ASIC2: variants seen among roughly 807,000 people sequenced by gnomAD.
ASIC2 encodes the protein acid-sensing ion channel 2.
A neutral mutation model predicts 57.3 loss-of-function variants in ASIC2; 25 were observed. That is an observed-to-expected ratio of 0.44 (90% CI 0.32 to 0.61). The LOEUF is 0.61. Ranked by LOEUF, ASIC2 falls within the 20% of genes least tolerant of loss-of-function variation. ASIC2 has a pLI of 0.06. For synonymous variants in ASIC2, 319 were observed against 307.5 expected, an observed-to-expected ratio of 1.04 and a Z score of -0.39; for missense variants, 641 against 738.1, an observed-to-expected ratio of 0.87 and a Z score of 1.52.
At chr17:33,263,170 G>A (rs941759050) in intron 1 of ASIC2, among the ~76,000 whole-genome samples, 5 of 152,092 alleles carry the variant, frequency 3.3e-5, no homozygotes, top group African/African-American at 4.8e-5. Flanking sequence ...TATGTACACC[G>A]CCTGGTTGCA....
At chr17:33,223,439 TCC>T (rs1907758718) in intron 1 of ASIC2, among the ~76,000 whole-genome samples, 1 of 152,180 alleles carries the variant, frequency 6.6e-6, no homozygotes, top group African/African-American at 2.4e-5. Context: ...CACCTCAGCC[TCC>T]CAAAGTGCTG....
At chr17:33,970,265 G>A (rs555182921) in intron 1 of ASIC2, among the ~76,000 whole-genome samples, 4 of 152,288 alleles carry the variant, frequency 2.6e-5, no homozygotes, top group African/African-American at 4.8e-5. Flanking sequence ...TTGCCCCCAG[G>A]TGAGAACCAG....
At chr17:33,302,812 G>A (rs1010284160) in intron 1 of ASIC2, among the ~76,000 whole-genome samples, 1 of 152,228 alleles carries the variant, frequency 6.6e-6, no homozygotes, top group African/African-American at 2.4e-5. Flanking sequence ...TTAACACAGA[G>A]TACAGCCAGG....
chr17:34,088,750 C>T (rs1055609127), intron 1 of ASIC2, among the ~76,000 whole-genome samples: 9 of 152,210 alleles, frequency 5.9e-5, no homozygotes, highest in Non-Finnish European at 1.3e-4. Context: ...GGCGGGCGCC[C>T]CTCCCCAGCC....
chr17:33,772,705 C>T (rs1294076911), intron 1 of ASIC2, among the ~76,000 whole-genome samples: 3 of 152,200 alleles, frequency 2.0e-5, no homozygotes, highest in Non-Finnish European at 4.4e-5. Flanking sequence ...TTCCTAGGCT[C>T]TCAATATGCA....
At chr17:33,924,042 C>A (rs1915770059) in intron 1 of ASIC2, among the ~76,000 whole-genome samples, 1 of 152,234 alleles carries the variant, frequency 6.6e-6, no homozygotes, top group African/African-American at 2.4e-5. Flanking sequence ...GCCCCTGCTC[C>A]CATCCCTCTC....
At chr17:33,896,969 A>T (rs575593012) in intron 1 of ASIC2, among the ~76,000 whole-genome samples, 1 of 152,372 alleles carries the variant, frequency 6.6e-6, no homozygotes, top group East Asian at 1.9e-4. Flanking sequence ...AGACAGGATA[A>T]AGGAGAAGCT....
chr17:33,565,324 C>A (rs911539774), intron 1 of ASIC2, among the ~76,000 whole-genome samples: 41 of 152,182 alleles, frequency 2.7e-4, no homozygotes, highest in African/African-American at 9.7e-4. Context: ...AGCAGATATT[C>A]AAATTCTCAT....
intron 1 of ASIC2, among the ~76,000 whole-genome samples, chr17:33,797,610 T>G (rs1298770870): frequency 1.3e-5 from 2 of 152,222 alleles, no homozygotes; most frequent in Admixed American, 6.5e-5. Context: ...ACAGCATTAT[T>G]GATGGGTTCA....
At chr17:33,901,368 C>T (rs939635292) in intron 1 of ASIC2, among the ~76,000 whole-genome samples, 3 of 152,148 alleles carry the variant, frequency 2.0e-5, no homozygotes, top group African/African-American at 7.2e-5. Flanking sequence ...AGAGATAGAG[C>T]ATCTAGACTG....
At chr17:33,346,497 C>T (rs1390844044) in intron 1 of ASIC2, among the ~76,000 whole-genome samples, 2 of 151,638 alleles carry the variant, frequency 1.3e-5, no homozygotes, top group Non-Finnish European at 2.9e-5. Flanking sequence ...TATGAAAATG[C>T]GTGGGTATGC....
At chr17:33,847,121 T>C (rs1039665899) in intron 1 of ASIC2, among the ~76,000 whole-genome samples, 1 of 151,272 alleles carries the variant, frequency 6.6e-6, no homozygotes, top group African/African-American at 2.4e-5. Flanking sequence ...ACGACCTCTT[T>C]GCATCTTCTC....
intron 1 of ASIC2, among the ~76,000 whole-genome samples, chr17:34,061,614 G>A (rs1461582487): frequency 1.3e-5 from 2 of 152,244 alleles, no homozygotes; most frequent in East Asian, 3.9e-4. Context: ...TCAACTATCT[G>A]CTGCCTTTAG....
intron 1 of ASIC2, among the ~76,000 whole-genome samples, chr17:33,984,638 G>A (rs1905751179): frequency 6.6e-6 from 1 of 152,172 alleles, no homozygotes; most frequent in Non-Finnish European, 1.5e-5. Flanking sequence ...AGGTTCTAAG[G>A]ACAGAACAGT....
intron 3 of ASIC2, among the ~76,000 whole-genome samples, chr17:33,079,585 G>A (rs193103085): frequency 5.9e-5 from 9 of 152,202 alleles, no homozygotes; most frequent in South Asian, 2.1e-4. Flanking sequence ...ATTTTAGAAC[G>A]GTCATGTTGT....
chr17:33,368,600 G>T (rs774381869), intron 1 of ASIC2, among the ~76,000 whole-genome samples: 2 of 152,180 alleles, frequency 1.3e-5, no homozygotes, highest in Non-Finnish European at 2.9e-5. Flanking sequence ...TTTTCCCAAC[G>T]TTAGCACTGA....
intron 1 of ASIC2, among the ~76,000 whole-genome samples, chr17:33,767,927 C>CATCT: frequency 6.6e-6 from 1 of 152,234 alleles, no homozygotes; most frequent in East Asian, 1.9e-4. Flanking sequence ...AACAGTGTAA[C>CATCT]ATCTACATAA....
intron 1 of ASIC2, among the ~76,000 whole-genome samples, chr17:33,674,397 G>T (rs1434046380): frequency 6.6e-6 from 1 of 152,104 alleles, no homozygotes; most frequent in African/African-American, 2.4e-5. Flanking sequence ...AATTTTTGTT[G>T]TTTGTTTACA....
At chr17:33,210,693 G>A (rs1215566234) in intron 1 of ASIC2, among the ~76,000 whole-genome samples, 2 of 152,228 alleles carry the variant, frequency 1.3e-5, no homozygotes, top group Non-Finnish European at 2.9e-5. Context: ...AACGAGGAGG[G>A]AGGCTTGGCC....
Sources: gnomAD v4.1 joint callset for allele counts (sites outside exome capture counted in the v4.1 genomes callset) on GRCh38, gnomAD v4.1.1 for gene constraint, MANE v1.5 for transcripts, NCBI Gene and HGNC (gene_info 2026-07-23, HGNC 2026-07-21) for gene names.